NEGR1: variants seen among roughly 807,000 people sequenced by gnomAD.
NEGR1 encodes IgLON family member 4.
In NEGR1, 10 loss-of-function variants were observed where a neutral mutation model predicts 40.9. The ratio of observed to expected loss-of-function variants is 0.24; its 90% CI spans 0.15 to 0.42. The LOEUF is 0.42. NEGR1 is among the 10% of genes least tolerant of loss of function. The pLI, the probability that NEGR1 is intolerant of heterozygous loss-of-function variation, is 1.00. For synonymous variants in NEGR1, 185 were observed against 166.8 expected (o/e 1.11, Z -0.84); for missense variants, 352 against 438.9 (o/e 0.80, Z 1.77).
chr1:72,101,232 C>G (rs1488648055), intron 1 of NEGR1, among the ~76,000 whole-genome samples: 2 of 152,048 alleles, frequency 1.3e-5, no homozygotes, highest in African/African-American at 4.8e-5. Context: ...AGTTTTCTAA[C>G]AAAATCAGTA....
At chr1:71,449,168 T>G (rs565510693) in intron 6 of NEGR1, among the ~76,000 whole-genome samples, 2 of 152,324 alleles carry the variant, frequency 1.3e-5, no homozygotes, top group South Asian at 4.1e-4. Context: ...ATTTTCACTA[T>G]TGTAATATCT....
intron 1 of NEGR1, among the ~76,000 whole-genome samples, chr1:72,157,586 G>A (rs183457822): frequency 1.7e-4 from 26 of 152,174 alleles, no homozygotes; most frequent in African/African-American, 6.0e-4. Context: ...GATTATAAAA[G>A]CATTGTTTTT....
At chr1:72,038,585 C>A (rs541860447) in intron 1 of NEGR1, among the ~76,000 whole-genome samples, 3 of 152,082 alleles carry the variant, frequency 2.0e-5, no homozygotes, top group African/African-American at 7.2e-5. Flanking sequence ...CTAAAAACAT[C>A]AGCGTACAAA....
chr1:71,926,181 T>TA (rs1645770494), intron 2 of NEGR1, among the ~76,000 whole-genome samples: 1 of 152,176 alleles, frequency 6.6e-6, no homozygotes, highest in South Asian at 2.1e-4. Flanking sequence ...ATAATTACTT[T>TA]AAATTATTTT....
At chr1:71,869,203 G>T (rs1194047728) in intron 2 of NEGR1, among the ~76,000 whole-genome samples, 4 of 152,040 alleles carry the variant, frequency 2.6e-5, no homozygotes, top group Non-Finnish European at 5.9e-5. Flanking sequence ...TTTGCTAAAT[G>T]GATGAATAGA....
At chr1:72,273,833 T>A (rs561828628) in intron 1 of NEGR1, among the ~76,000 whole-genome samples, 5 of 146,070 alleles carry the variant, frequency 3.4e-5, no homozygotes, top group South Asian at 2.2e-4. Context: ...TATATGGATT[T>A]AAAAAAAAAA....
intron 1 of NEGR1, among the ~76,000 whole-genome samples, chr1:72,055,275 T>G (rs1225327479): frequency 2.6e-5 from 4 of 151,220 alleles, no homozygotes; most frequent in Admixed American, 6.6e-5. Context: ...TCTTTGTCCT[T>G]AATGCCATAG....
chr1:71,808,970 A>T (rs918653732), intron 2 of NEGR1, among the ~76,000 whole-genome samples: 12 of 152,088 alleles, frequency 7.9e-5, no homozygotes, highest in Non-Finnish European at 1.5e-5. Flanking sequence ...GAGTGTGTGT[A>T]TGTGGTTTTA....
intron 2 of NEGR1, among the ~76,000 whole-genome samples, chr1:71,898,985 T>TAGC (rs1570477798): frequency 1.5e-5 from 1 of 66,622 alleles, no homozygotes; most frequent in Non-Finnish European, 3.4e-5. Context: ...ATATAGCATA[T>TAGC]ATATATATAT....
chr1:72,214,540 G>A (rs781035987), intron 1 of NEGR1, among the ~76,000 whole-genome samples: 2 of 152,026 alleles, frequency 1.3e-5, no homozygotes, highest in Non-Finnish European at 2.9e-5. Context: ...AAATTGATGT[G>A]CAAAAATCAC....
At chr1:71,962,701 T>C (rs923189636) in intron 1 of NEGR1, among the ~76,000 whole-genome samples, 1 of 152,004 alleles carries the variant, frequency 6.6e-6, no homozygotes, top group Non-Finnish European at 1.5e-5. Context: ...ATGTCTCACG[T>C]TAACTTCTCT....
At chr1:72,082,988 G>T (rs57290190) in intron 1 of NEGR1, among the ~76,000 whole-genome samples, 62 of 152,170 alleles carry the variant, frequency 4.1e-4, no homozygotes, top group African/African-American at 1.4e-3. Context: ...TTGCTTCATT[G>T]TAGCAATTAT....
At chr1:71,982,117 C>A (rs1010268683) in intron 1 of NEGR1, among the ~76,000 whole-genome samples, 3 of 151,996 alleles carry the variant, frequency 2.0e-5, no homozygotes, top group Non-Finnish European at 2.9e-5. Flanking sequence ...TCAAGATATG[C>A]CAGTTAAGGA....
intron 1 of NEGR1, among the ~76,000 whole-genome samples, chr1:72,139,852 A>T (rs1470755901): frequency 6.6e-6 from 1 of 152,062 alleles, no homozygotes; most frequent in East Asian, 1.9e-4. Context: ...ATTGCAAGTT[A>T]TCTCAATTGT....
At position 71,509,601 on chromosome 1, in the gene NEGR1, T is replaced by G. The variant is rs140688217; in HGVS notation, c.940+83216A>C. 1.5e-3 allele frequency among the ~76,000 whole-genome samples: 230 copies of G among 152,298 alleles called. 2 individuals carry two copies. The highest frequency in any genetic ancestry group is 8.8e-4 in the Non-Finnish European group (60 of 68,018). ...TTGGCCATTCCCTTCACTCTGGCAT[T>G]CCATAAAATACCCAAAAATACACAT... is the stretch of plus-strand genomic sequence containing the variant. On this transcript the variant is annotated intron_variant, in intron 6 of 6. Coordinates refer to ENST00000357731, the MANE Select transcript of NEGR1 (RefSeq NM_173808.3).
At chr1:72,235,776 G>A (rs1160791601) in intron 1 of NEGR1, among the ~76,000 whole-genome samples, 1 of 151,962 alleles carries the variant, frequency 6.6e-6, no homozygotes, top group Non-Finnish European at 1.5e-5. Flanking sequence ...TAAATTGTGT[G>A]TTGAGATGTA....
chr1:72,033,709 G>C (rs1046707349), intron 1 of NEGR1, among the ~76,000 whole-genome samples: 1 of 152,116 alleles, frequency 6.6e-6, no homozygotes, highest in Non-Finnish European at 1.5e-5. Flanking sequence ...CAGCTTTTAA[G>C]GACCTGCATG....
chr1:71,955,423 A>G (rs758452261), intron 1 of NEGR1, among the ~76,000 whole-genome samples: 1 of 152,110 alleles, frequency 6.6e-6, no homozygotes, highest in Non-Finnish European at 1.5e-5. Context: ...CAATGAACTC[A>G]GGGTTCTGGA....
chr1:71,841,297 C>T (rs886546041), intron 2 of NEGR1, among the ~76,000 whole-genome samples: 10 of 152,144 alleles, frequency 6.6e-5, no homozygotes, highest in African/African-American at 1.9e-4. Flanking sequence ...TTTCAGATGA[C>T]GTTAGGTCTC....
Sources: gnomAD v4.1 joint callset for allele counts (sites outside exome capture counted in the v4.1 genomes callset) on GRCh38, gnomAD v4.1.1 for gene constraint, MANE v1.5 for transcripts, NCBI Gene and HGNC (gene_info 2026-07-23, HGNC 2026-07-21) for gene names.